The following NR3C1 variants were observed in gnomAD, a reference collection of about 807,000 sequenced individuals.
The protein encoded by NR3C1 is nuclear receptor subfamily 3 group C member 1, also known as glucocorticoid receptor.
NR3C1 carries 14 observed loss-of-function variants against 74.0 expected under a neutral mutation model. The ratio of observed to expected loss-of-function variants is 0.19; its 90% CI spans 0.12 to 0.30. The LOEUF (loss-of-function observed/expected upper bound fraction) is 0.30. NR3C1 is among the 10% of genes least tolerant of loss of function. The pLI, the probability that NR3C1 is intolerant of heterozygous loss-of-function variation, is 1.00. For synonymous variants in NR3C1, 308 were observed against 332.5 expected, an observed-to-expected ratio of 0.93 and a Z score of 0.80; for missense variants, 695 against 909.8, an observed-to-expected ratio of 0.76 and a Z score of 3.04.
intron 2 of NR3C1, among the ~76,000 whole-genome samples, chr5:143,338,668 A>G (rs1391373675): frequency 6.6e-6 from 1 of 152,224 alleles, no homozygotes; most frequent in African/African-American, 2.4e-5. Flanking sequence ...AGTGTTACTA[A>G]AAAGGAGTCA....
In NR3C1 at chr5:143,361,704, G is replaced by C. The variant is rs527521732; in HGVS notation, c.1184+37952C>G. Among the ~76,000 whole-genome samples the C allele has an allele frequency of 4.6e-5, 7 of 152,332 alleles. No homozygotes were observed. The South Asian group carries it at 6.2e-4, about 14-fold the overall frequency. ...TGACTTGAAATATTTGTCAGCTGCTGTAAGAAATTCCTAGATGTCCCACGA... is the reference window on the plus strand; with the variant it reads ...TGACTTGAAATATTTGTCAGCTGCTCTAAGAAATTCCTAGATGTCCCACGA... On this transcript the variant is annotated intron_variant, in intron 2 of 8. Coordinates refer to ENST00000394464, the MANE Select transcript of NR3C1 (RefSeq NM_000176.3).
At chr5:143,393,377 T>C (rs1315236618) in intron 2 of NR3C1, among the ~76,000 whole-genome samples, 1 of 152,150 alleles carries the variant, frequency 6.6e-6, no homozygotes. Flanking sequence ...TTGAAAACAA[T>C]TCAAACACAG....
chr5:143,406,579 T>G (rs1276823309), upstream of NR3C1, among the ~76,000 whole-genome samples: 1 of 152,224 alleles, frequency 6.6e-6, no homozygotes, highest in Non-Finnish European at 1.5e-5. Context: ...CAAATAGTTA[T>G]GATTTGTGGC....
Position 143,416,853 on chromosome 5 carries a change from C to T in NR3C1, c.-13-16001G>A, listed in dbSNP as rs567086012. 3.9e-5 allele frequency among the ~76,000 whole-genome samples: 6 copies of T among 152,318 alleles called. No homozygotes were observed. The East Asian group carries it at 1.2e-3, about 29-fold the overall frequency. ...TTAATGATTAACTAGATGAGATGGT[C>T]AAACTCCTTCTTTATTTAAAATACA... On this transcript the variant is annotated intron_variant, in intron 1 of 8. Coordinates refer to the NR3C1 transcript ENST00000343796.
At chr5:143,321,662 A>G (rs1393539645) in intron 2 of NR3C1, among the ~76,000 whole-genome samples, 2 of 151,874 alleles carry the variant, frequency 1.3e-5, no homozygotes, top group African/African-American at 4.8e-5. Context: ...ATGTCTTATC[A>G]CTCCCCTACA....
chr5:143,345,145 G>C (rs987779849), intron 2 of NR3C1, among the ~76,000 whole-genome samples: 1 of 152,162 alleles, frequency 6.6e-6, no homozygotes, highest in African/African-American at 2.4e-5. Context: ...TGAGCTATGA[G>C]TATAAGCTGC....
At chr5:143,417,709 A>C (rs1290833130) in intron 1 of NR3C1, among the ~76,000 whole-genome samples, 1 of 152,094 alleles carries the variant, frequency 6.6e-6, no homozygotes, top group Non-Finnish European at 1.5e-5. Flanking sequence ...ACAATACACT[A>C]ACTTCCTTCA....
At chr5:143,421,906 G>A (rs563542310) in intron 1 of NR3C1, among the ~76,000 whole-genome samples, 1 of 152,292 alleles carries the variant, frequency 6.6e-6, no homozygotes, top group South Asian at 2.1e-4. Flanking sequence ...CTTTAGGTAT[G>A]ATATGGACGT....
At chr5:143,339,167 ATC>A (rs1827739288) in intron 2 of NR3C1, among the ~76,000 whole-genome samples, 1 of 152,150 alleles carries the variant, frequency 6.6e-6, no homozygotes, top group Admixed American at 6.6e-5. Context: ...CTCAGAACCT[ATC>A]TCTGTTGTTA....
intron 2 of NR3C1, among the ~76,000 whole-genome samples, chr5:143,370,844 A>G (rs553442978): frequency 1.3e-5 from 2 of 152,228 alleles, no homozygotes; most frequent in Non-Finnish European, 2.9e-5. Context: ...TCTGTATAAA[A>G]GCAAGATATC....
chr5:143,333,147 G>T (rs1826359030), intron 2 of NR3C1: 1 of 1,577,948 alleles, frequency 6.3e-7, no homozygotes, highest in Non-Finnish European at 8.6e-7. Context: ...GGCCCATCAT[G>T]CTACCAAAAA....
At chr5:143,291,965 GT>G (rs1430657173) in intron 7 of NR3C1, among the ~76,000 whole-genome samples, 1 of 152,158 alleles carries the variant, frequency 6.6e-6, no homozygotes, top group African/African-American at 2.4e-5. Context: ...TCTGATGCTT[GT>G]TTTGTCTCTT....
At chr5:143,310,549 C>T (rs1820681450) in intron 3 of NR3C1, among the ~76,000 whole-genome samples, 1 of 152,170 alleles carries the variant, frequency 6.6e-6, no homozygotes, top group Admixed American at 6.5e-5. Context: ...AGAAACAGAA[C>T]AGTACCCCAA....
chr5:143,423,625 A>G (rs1751352220), intron 1 of NR3C1, among the ~76,000 whole-genome samples: 2 of 152,148 alleles, frequency 1.3e-5, no homozygotes, highest in Non-Finnish European at 2.9e-5. Flanking sequence ...ACCCAAAAGA[A>G]AGAAAATCAG....
chr5:143,333,903 AATCTT>A (rs1416604898), intron 2 of NR3C1, among the ~76,000 whole-genome samples: 9 of 152,390 alleles, frequency 5.9e-5, no homozygotes, highest in African/African-American at 2.2e-4. Flanking sequence ...TTGCTGAAGA[AATCTT>A]AACTTTTTGA....
intron 1 of NR3C1, among the ~76,000 whole-genome samples, chr5:143,412,123 G>T (rs780559600): frequency 3.3e-5 from 5 of 152,072 alleles, no homozygotes; most frequent in Non-Finnish European, 5.9e-5. Context: ...AGAAAGCTGT[G>T]CCAGAGAAAA....
At position 143,281,136 on chromosome 5, in the gene NR3C1, T is replaced by TTGAC. The variant is rs1212334652; in HGVS notation, c.*749_*752dup. ...AATATGAGCTTTTTTTTTTTTTTTT[T>TTGAC]TGACAAGAATACTGGAGATTTGAGT... On this transcript the variant is annotated 3_prime_UTR_variant, in exon 9 of 9. Coordinates refer to ENST00000394464, the MANE Select transcript of NR3C1 (RefSeq NM_000176.3). 6.6e-6 allele frequency: 1 copy of TTGAC among 150,686 alleles called. No homozygotes were observed. Among genetic ancestry groups the TTGAC allele is most frequent in the African/African-American group, 2.5e-5 (1 of 40,702 alleles). The allele number at this position is 150,686 out of a possible 1,614,324, so 9.3% of individuals were successfully genotyped here.
chr5:143,392,166 C>T (rs1838358389), intron 2 of NR3C1, among the ~76,000 whole-genome samples: 1 of 152,030 alleles, frequency 6.6e-6, no homozygotes, highest in African/African-American at 2.4e-5. Context: ...AGGGTTTCAC[C>T]GTGTTAGCCA....
In NR3C1 at chr5:143,344,861, G is replaced by A. The variant is rs751821550; in HGVS notation, c.1185-30693C>T. 1.2e-4 allele frequency among the ~76,000 whole-genome samples: 18 copies of A among 152,052 alleles called. 1 individual carries two copies. Among genetic ancestry groups the A allele is most frequent in the Non-Finnish European group, 2.1e-4 (14 of 67,994 alleles). ...GCACTGCAATCCAGCCTGGGTGACA[G>A]AGTGAGACTCCATGCCCCACCCTCA... On this transcript the variant is annotated intron_variant, in intron 2 of 8. Coordinates refer to ENST00000394464, the MANE Select transcript of NR3C1 (RefSeq NM_000176.3).
Sources: gnomAD v4.1 joint callset for allele counts (sites outside exome capture counted in the v4.1 genomes callset) on GRCh38, gnomAD v4.1.1 for gene constraint, MANE v1.5 for transcripts, NCBI Gene and HGNC (gene_info 2026-07-23, HGNC 2026-07-21) for gene names.